RASAL2: variants seen among roughly 807,000 people sequenced by gnomAD.
The protein encoded by RASAL2 is RAS protein activator like 2, also known as ras GTPase-activating protein nGAP.
Under a neutral mutation model 128.9 loss-of-function variants are expected in RASAL2, and 58 were observed. The ratio of observed to expected loss-of-function variants is 0.45; its 90% CI spans 0.36 to 0.56. The LOEUF is 0.56. Among genes scored for constraint, RASAL2 ranks in the 20% least tolerant of loss-of-function variants. The pLI, the probability that RASAL2 is intolerant of heterozygous loss-of-function variation, is 0.00. For missense variants in RASAL2, 1,360 were observed against 1,601.6 expected (o/e 0.85, Z 2.57); for synonymous variants, 561 against 580.8 (o/e 0.97, Z 0.49).
intron 8 of RASAL2, among the ~76,000 whole-genome samples, chr1:178,445,252 C>T (rs1676921002): frequency 6.6e-6 from 1 of 151,958 alleles, no homozygotes; most frequent in Admixed American, 6.6e-5. Flanking sequence ...GAAAGGTAGA[C>T]AGAAACCAGA....
At chr1:178,293,965 A>T (rs926868566) in intron 2 of RASAL2, among the ~76,000 whole-genome samples, 1 of 152,174 alleles carries the variant, frequency 6.6e-6, no homozygotes, top group Non-Finnish European at 1.5e-5. Flanking sequence ...GTAGAATAGA[A>T]AAGAAAGAGG....
chr1:178,215,614 A>G (rs563646723), intron 1 of RASAL2, among the ~76,000 whole-genome samples: 1 of 152,326 alleles, frequency 6.6e-6, no homozygotes, highest in East Asian at 1.9e-4. Context: ...CACTTTTCTA[A>G]TAGGTAGCAG....
At chr1:178,398,107 G>A (rs1673363774) in intron 4 of RASAL2, among the ~76,000 whole-genome samples, 1 of 151,836 alleles carries the variant, frequency 6.6e-6, no homozygotes, top group African/African-American at 2.4e-5. Flanking sequence ...CATATTGGCT[G>A]CTTATTTTCT....
Position 178,218,474 on chromosome 1 carries a change from G to T in RASAL2, c.203-65090G>T, listed in dbSNP as rs1323162024. On this transcript the variant is annotated intron_variant, in intron 1 of 17. Transcript: ENST00000367649. The stretch of plus-strand genomic sequence containing the variant: ...GGCCGAGGCGGGCGGATTACCTGAG[G>T]TCAGGAGTTCAAGACCAGCCTGGCC... 4.6e-5 allele frequency among the ~76,000 whole-genome samples: 7 copies of T among 152,150 alleles called. No homozygotes were observed. In the East Asian group the frequency reaches 1.3e-3, roughly 29 times the overall value.
intron 3 of RASAL2, among the ~76,000 whole-genome samples, chr1:178,375,513 C>CT (rs1365627258): frequency 2.0e-5 from 3 of 152,226 alleles, no homozygotes; most frequent in South Asian, 2.1e-4. Context: ...AGTGCCTCTA[C>CT]TTTTTTTATC....
chr1:178,455,024 C>G (rs1456081299), intron 12 of RASAL2, among the ~76,000 whole-genome samples: 1 of 151,910 alleles, frequency 6.6e-6, no homozygotes, highest in Non-Finnish European at 1.5e-5. Flanking sequence ...ATAGATTTAG[C>G]TAAGAAAATA....
At chr1:178,130,956 A>G (rs1660084358) in intron 1 of RASAL2, among the ~76,000 whole-genome samples, 1 of 151,604 alleles carries the variant, frequency 6.6e-6, no homozygotes, top group East Asian at 1.9e-4. Flanking sequence ...CGGGAGGCTG[A>G]GGCAGGAGAA....
intron 3 of RASAL2, among the ~76,000 whole-genome samples, chr1:178,380,050 C>CT (rs1332618674): frequency 6.6e-6 from 1 of 152,130 alleles, no homozygotes; most frequent in African/African-American, 2.4e-5. Context: ...CCACGCCCAG[C>CT]TAATTTTTGT....
chr1:178,099,411 T>A (rs1558052421), intron 1 of RASAL2, among the ~76,000 whole-genome samples: 1 of 152,218 alleles, frequency 6.6e-6, no homozygotes, highest in Non-Finnish European at 1.5e-5. Context: ...ATGTACTGTT[T>A]AAGTGACTTT....
At chr1:178,334,488 G>A (rs1465156340) in intron 3 of RASAL2, among the ~76,000 whole-genome samples, 7 of 151,814 alleles carry the variant, frequency 4.6e-5, no homozygotes, top group African/African-American at 7.3e-5. Context: ...ACAGGCATGC[G>A]CCACCACGCC....
chr1:178,197,490 C>G (rs1345830595), intron 1 of RASAL2, among the ~76,000 whole-genome samples: 2 of 151,308 alleles, frequency 1.3e-5, no homozygotes, highest in Non-Finnish European at 2.9e-5. Flanking sequence ...GCACCTGTAG[C>G]CCCAGCTACT....
At chr1:178,353,278 C>G (rs551004939) in intron 3 of RASAL2, among the ~76,000 whole-genome samples, 1 of 152,336 alleles carries the variant, frequency 6.6e-6, no homozygotes, top group East Asian at 1.9e-4. Context: ...TAGAAGCAGC[C>G]AGGCTACATC....
intron 1 of RASAL2, among the ~76,000 whole-genome samples, chr1:178,179,927 C>G (rs988693788): frequency 1.3e-5 from 2 of 152,154 alleles, no homozygotes; most frequent in Non-Finnish European, 2.9e-5. Context: ...AAAAAGCCAA[C>G]TATGCCATTG....
intron 1 of RASAL2, among the ~76,000 whole-genome samples, chr1:178,128,074 T>C (rs1172488299): frequency 6.6e-6 from 1 of 152,092 alleles, no homozygotes; most frequent in East Asian, 1.9e-4. Flanking sequence ...TTCAATTCTT[T>C]CATTTTCACC....
At chr1:178,420,728 T>TA in intron 5 of RASAL2, 108 bp downstream of exon 5, 1 of 822,498 alleles carries the variant, frequency 1.2e-6, no homozygotes, top group African/African-American at 1.7e-5. Context: ...AAAAATACAA[T>TA]AAAAAATTGA....
rs534954695 is a variant in RASAL2 at position 178,456,881 on chromosome 1, T to C, written c.2372T>C (p.Phe791Ser). 8 of 1,614,080 alleles carry C rather than the reference T, an allele frequency of 5.0e-6. No individual in the cohort carries two copies. In the East Asian group the frequency reaches 1.6e-4, roughly 31 times the overall value. ...CTCTCCTCTGGGCTGCAGAAAATAT[T>C]TGAAGACCCCACTGACAGGTATGAA... ...GSLSSGLQKIFEDPTDSDLHK... is the reference protein window; with the variant it reads ...GSLSSGLQKISEDPTDSDLHK... Residue 791 changes from phenylalanine to serine, a missense_variant, in exon 13 of 18, where the codon TTT becomes TCT. Phe to Ser is a radical substitution (Grantham distance 155, BLOSUM62 -2). Coordinates refer to ENST00000367649, the MANE Select transcript of RASAL2 (RefSeq NM_170692.4).
chr1:178,245,776 T>C (rs899043024), intron 1 of RASAL2, among the ~76,000 whole-genome samples: 1 of 152,238 alleles, frequency 6.6e-6, no homozygotes, highest in Non-Finnish European at 1.5e-5. Context: ...AGTTTCTGTT[T>C]TCTGCATACG....
At chr1:178,470,642 C>G in intron 17 of RASAL2, 4 of 1,328,408 alleles carry the variant, frequency 3.0e-6, no homozygotes, top group Non-Finnish European at 4.0e-6. Flanking sequence ...GAAGCAAAAG[C>G]AGCTGCCTAG....
chr1:178,155,820 T>C (rs1229603641), intron 1 of RASAL2, among the ~76,000 whole-genome samples: 1 of 152,176 alleles, frequency 6.6e-6, no homozygotes, highest in Non-Finnish European at 1.5e-5. Context: ...AGAAATAATT[T>C]AGTTAGGCTC....
Sources: allele counts gnomAD v4.1 joint callset (sites outside exome capture counted in the v4.1 genomes callset), GRCh38; gene constraint gnomAD v4.1.1; transcripts MANE v1.5; gene names NCBI Gene and HGNC (gene_info 2026-07-23, HGNC 2026-07-21).